KIF5C: variants seen among roughly 807,000 people sequenced by gnomAD.
KIF5C encodes the protein kinesin heavy chain isoform 5C.
In KIF5C, 18 loss-of-function variants were observed where a neutral mutation model predicts 125.2. The observed-to-expected ratio is 0.14, with a 90% CI of 0.10 to 0.21. The LOEUF (loss-of-function observed/expected upper bound fraction) is 0.21. KIF5C is among the 10% of genes least tolerant of loss of function. The pLI, the probability that KIF5C is intolerant of heterozygous loss-of-function variation, is 1.00. For synonymous variants in KIF5C, 405 were observed against 434.0 expected (o/e 0.93, Z 0.83); for missense variants, 780 against 1,183.8 (o/e 0.66, Z 5.01).
chr2:149,021,621 C>G (rs1682537131), intron 25 of KIF5C, among the ~76,000 whole-genome samples: 1 of 151,384 alleles, frequency 6.6e-6, no homozygotes, highest in South Asian at 2.1e-4. Context: ...TAGCGGGAAT[C>G]TGAGATATTA....
intron 14 of KIF5C, among the ~76,000 whole-genome samples, chr2:148,982,510 G>T (rs749851711): frequency 1.3e-5 from 2 of 151,964 alleles, no homozygotes; most frequent in African/African-American, 2.4e-5. Flanking sequence ...TCTGCTGACT[G>T]TGAGGCTGAC....
intron 4 of KIF5C, 58 bp from the exon 5 acceptor site, chr2:148,941,552 G>A: frequency 1.3e-6 from 2 of 1,546,930 alleles, no homozygotes; most frequent in Non-Finnish European, 1.7e-6. Flanking sequence ...TACTAATAAT[G>A]GCATTTTTGA....
At chr2:148,875,980 G>A (rs1681176211) in intron 1 of KIF5C, among the ~76,000 whole-genome samples, 2 of 151,270 alleles carry the variant, frequency 1.3e-5, no homozygotes, top group Admixed American at 6.6e-5. Context: ...GGGATGGGGG[G>A]CGAAGACGGG....
At position 148,991,033 on chromosome 2, in the gene KIF5C, T is replaced by C; in HGVS notation, c.1740T>C (p.Ile580=). The C allele has an allele frequency of 6.2e-7, 1 of 1,613,494 alleles. No homozygotes were observed. ...AGTTGGCAGATGTGAATGGAGTCAT[T>C]GAGGAGGAGTTTACCATGGCCCGCC... ...VKTLADVNGV[I]EEEFTMARLY... is the part of the protein sequence containing the mutation. The change falls in exon 16 of 26, where the codon ATT becomes ATC. Residue 580 remains isoleucine, a synonymous_variant. Coordinates refer to ENST00000435030, the MANE Select transcript of KIF5C (RefSeq NM_004522.3).
rs1391721915 is a variant in KIF5C at position 148,924,717 on chromosome 2, ACT to A, written c.217+2491_217+2492del. Among the ~76,000 whole-genome samples, 1 of 152,196 alleles carries A rather than the reference ACT, an allele frequency of 6.6e-6. No individual in the cohort carries two copies. Among genetic ancestry groups the A allele is most frequent in the Non-Finnish European group, 1.5e-5 (1 of 68,042 alleles). On this transcript the variant is annotated intron_variant, in intron 2 of 25. Transcript: ENST00000435030. This position sits in a 1 kb window ranked among gnomAD's most constrained non-coding sequence, Gnocchi z 4.0. ...GGTAACTGGATGCTATTATTGAAGTACTGTAACTATGTCCCAGCCTACAGAAG... is the reference window on the plus strand; with the variant it reads ...GGTAACTGGATGCTATTATTGAAGTAGTAACTATGTCCCAGCCTACAGAAG...
chr2:149,000,362 G>A, intron 19 of KIF5C, 61 bp from the exon 20 acceptor site: 1 of 1,530,154 alleles, frequency 6.5e-7, no homozygotes, highest in East Asian at 2.5e-5. Flanking sequence ...CACGGTTTTA[G>A]CCTGATGACT....
intron 11 of KIF5C, among the ~76,000 whole-genome samples, chr2:148,962,870 G>A (rs1682963261): frequency 6.6e-6 from 1 of 152,114 alleles, no homozygotes; most frequent in Non-Finnish European, 1.5e-5. Context: ...TCTACCTCTG[G>A]CAAATACTTG....
In KIF5C at chr2:149,011,600, C is replaced by A; in HGVS notation, c.2798C>A (p.Ala933Asp). 6.2e-7 allele frequency: 1 copy of A among 1,614,076 alleles called. No homozygotes were observed. Among genetic ancestry groups the A allele is most frequent in the Non-Finnish European group, 8.5e-7 (1 of 1,179,906 alleles). The part of the protein sequence containing the change: ...AKPIRPGHYP[A>D]SSPTAVHAIR... The stretch of plus-strand genomic sequence containing the variant: ...CCCATCCGCCCCGGACACTACCCGG[C>A]CTCATCTCCAACGGCCGTCCATGCC... The change falls in exon 25 of 26, where the codon GCC becomes GAC. Residue 933 changes from alanine (A) to aspartate (D), a missense_variant. Physicochemically the swap from Ala to Asp is moderately radical, Grantham distance 126. Coordinates refer to ENST00000435030, the MANE Select transcript of KIF5C (RefSeq NM_004522.3).
At chr2:149,007,821 G>A (rs1682055831) in intron 22 of KIF5C, 142 bp from the exon 23 acceptor site, 2 of 986,966 alleles carry the variant, frequency 2.0e-6, no homozygotes, top group Non-Finnish European at 2.7e-6. Context: ...GATTTCTTGA[G>A]TCTAAACTTT....
At chr2:148,981,317 A>G in intron 13 of KIF5C, 38 bp from the exon 14 acceptor site, 1 of 1,560,520 alleles carries the variant, frequency 6.4e-7, no homozygotes, top group Non-Finnish European at 8.7e-7. Flanking sequence ...ACATTTGAAC[A>G]TTAGATTCAC....
In KIF5C at chr2:148,922,206, T is replaced by A. The variant is rs1681816986; in HGVS notation, c.196T>A (p.Cys66Ser). ...NTTQEQVYNA[C>S]AKQIVKDVLE... ...GACCCAAGAGCAGGTTTACAATGCA[T>A]GTGCGAAGCAAATTGTCAAAGGTAA... The change falls in exon 2 of 26, where the codon TGT becomes AGT. Residue 66 changes from cysteine to serine, a missense_variant. This residue lies in a region of KIF5C where 207 missense variants were observed against 441.2 expected (regional missense o/e 0.47). Coordinates refer to ENST00000435030, the MANE Select transcript of KIF5C (RefSeq NM_004522.3). 1 of 1,612,446 alleles carries A rather than the reference T, an allele frequency of 6.2e-7. No individual in the cohort carries two copies. Among genetic ancestry groups the A allele is most frequent in the Non-Finnish European group, 8.5e-7 (1 of 1,178,846 alleles).
In KIF5C at chr2:148,942,731, G is replaced by T. The variant is rs1682436262; in HGVS notation, c.560G>T (p.Gly187Val). ...GAAGTCATGGATGTAATAGATGAAG[G>T]CAAAGCAAACCGACACGTGGCTGTG... ...PEEVMDVIDE[G>V]KANRHVAVTN... Residue 187 changes from glycine (G) to valine (V), a missense_variant, in exon 7 of 26, where the codon GGC becomes GTC. By Grantham distance (109) the Gly-to-Val change is moderately radical. This residue lies in a region of KIF5C where 207 missense variants were observed against 441.2 expected (regional missense o/e 0.47). Transcript: ENST00000435030. 6.2e-7 allele frequency: 1 copy of T among 1,611,092 alleles called. No individual in the cohort carries two copies. Among genetic ancestry groups the T allele is most frequent in the African/African-American group, 1.3e-5 (1 of 74,888 alleles).
chr2:148,904,873 G>T (rs938868446), intron 1 of KIF5C, among the ~76,000 whole-genome samples: 2 of 152,194 alleles, frequency 1.3e-5, no homozygotes, highest in African/African-American at 4.8e-5. Context: ...AGATAACATT[G>T]AATCAGGTAG....
At chr2:148,914,488 T>C (rs1681465108) in intron 1 of KIF5C, among the ~76,000 whole-genome samples, 1 of 152,280 alleles carries the variant, frequency 6.6e-6, no homozygotes, top group African/African-American at 2.4e-5. Flanking sequence ...TGACAGTGTC[T>C]GTGTGTCCAC....
chr2:148,973,206 A>C (rs1313599616), intron 11 of KIF5C, 130 bp from the exon 12 acceptor site: 1 of 1,304,960 alleles, frequency 7.7e-7, no homozygotes, highest in African/African-American at 1.5e-5. Flanking sequence ...CACAAACTCT[A>C]CCCACACTAC....
chr2:148,954,088 AACTCCC>A (rs922828895), intron 10 of KIF5C, among the ~76,000 whole-genome samples: 1 of 110,610 alleles, frequency 9.0e-6, no homozygotes, highest in African/African-American at 3.5e-5. Flanking sequence ...CTCATTGTTT[AACTCCC>A]ACTTATGAGT....
chr2:148,973,853 A>G (rs1341441439), intron 12 of KIF5C, among the ~76,000 whole-genome samples: 1 of 152,134 alleles, frequency 6.6e-6, no homozygotes, highest in East Asian at 1.9e-4. Context: ...CTCTGGGCCT[A>G]TCCTTCACCT....
At chr2:148,927,589 T>C (rs901899574) in intron 2 of KIF5C, among the ~76,000 whole-genome samples, 4 of 152,154 alleles carry the variant, frequency 2.6e-5, no homozygotes, top group African/African-American at 9.7e-5. Context: ...TAGCCAGCAT[T>C]CCAATAGGCT....
At chr2:148,897,564 A>T (rs1163449475) in intron 1 of KIF5C, among the ~76,000 whole-genome samples, 1 of 152,160 alleles carries the variant, frequency 6.6e-6, no homozygotes, top group Non-Finnish European at 1.5e-5. Flanking sequence ...GCTAGGTACC[A>T]GTGAAATAAA....
Sources: gnomAD v4.1 joint callset for allele counts (sites outside exome capture counted in the v4.1 genomes callset) on GRCh38, gnomAD v4.1.1 for gene constraint, gnomAD v4.1.1 regional missense constraint, Gnocchi (gnomAD v3.1) non-coding constraint, MANE v1.5 for transcripts, NCBI Gene and HGNC (gene_info 2026-07-23, HGNC 2026-07-21) for gene names.